SRBD1: variants seen among roughly 807,000 people sequenced by gnomAD.
SRBD1 encodes S1 RNA-binding domain-containing protein 1.
SRBD1 carries 88 observed loss-of-function variants against 115.3 expected under a neutral mutation model. The ratio of observed to expected loss-of-function variants is 0.76; its 90% CI spans 0.64 to 0.91. SRBD1 has a LOEUF of 0.91. SRBD1 is among the 40% of genes least tolerant of loss of function. The pLI, the probability that SRBD1 is intolerant of heterozygous loss-of-function variation, is 0.00. For missense variants in SRBD1, 1,385 were observed against 1,177.4 expected, an observed-to-expected ratio of 1.18 and a Z score of -2.58; for synonymous variants, 509 against 407.7, an observed-to-expected ratio of 1.25 and a Z score of -2.99.
intron 16 of SRBD1, among the ~76,000 whole-genome samples, chr2:45,435,577 A>C (rs1056467184): frequency 7.3e-5 from 11 of 151,338 alleles, no homozygotes; most frequent in Admixed American, 2.6e-4. Context: ...AAAAAACAAA[A>C]AAAAAAAACA....
intron 16 of SRBD1, among the ~76,000 whole-genome samples, chr2:45,440,100 C>T (rs893992254): frequency 2.0e-5 from 3 of 152,148 alleles, no homozygotes; most frequent in Admixed American, 6.5e-5. Context: ...GTTAATGACA[C>T]AAGCTTGCTA....
intron 14 of SRBD1, among the ~76,000 whole-genome samples, chr2:45,540,812 T>C (rs1435272311): frequency 6.6e-6 from 1 of 152,118 alleles, no homozygotes; most frequent in Non-Finnish European, 1.5e-5. Context: ...AAAACCACAA[T>C]GAGATATCAC....
chr2:45,405,776 T>C (rs1219419330), intron 19 of SRBD1, among the ~76,000 whole-genome samples: 1 of 65,260 alleles, frequency 1.5e-5, no homozygotes, highest in Non-Finnish European at 3.6e-5. Context: ...TGGTCATTAG[T>C]TGAGAGAATA....
At chr2:45,424,099 G>A (rs1295827496) in intron 16 of SRBD1, among the ~76,000 whole-genome samples, 1 of 151,982 alleles carries the variant, frequency 6.6e-6, no homozygotes, top group African/African-American at 2.4e-5. Context: ...AAAACATACT[G>A]ATGTAATAAT....
chr2:45,447,724 T>C (rs987636184), intron 16 of SRBD1: 1 of 152,196 alleles, frequency 6.6e-6, no homozygotes, highest in African/African-American at 2.4e-5. Context: ...CAGACAGCTT[T>C]CTTTTTATAC....
intron 4 of SRBD1, among the ~76,000 whole-genome samples, chr2:45,593,990 T>C (rs1673808955): frequency 6.6e-6 from 1 of 152,240 alleles, no homozygotes; most frequent in Non-Finnish European, 1.5e-5. Context: ...TACATTTATG[T>C]ACAATATTCT....
intron 15 of SRBD1, among the ~76,000 whole-genome samples, chr2:45,486,315 T>A (rs1670117239): frequency 6.6e-6 from 1 of 152,162 alleles, no homozygotes; most frequent in Non-Finnish European, 1.5e-5. Context: ...ACTTGAGAAA[T>A]TCTGGATTTT....
intron 1 of SRBD1, among the ~76,000 whole-genome samples, chr2:45,609,278 CTT>C (rs973298103): frequency 6.6e-6 from 1 of 152,170 alleles, no homozygotes; most frequent in African/African-American, 2.4e-5. Context: ...TGTTACAAAT[CTT>C]TTTTTCTTTC....
At chr2:45,391,790 A>G (rs1667010579) in intron 20 of SRBD1, among the ~76,000 whole-genome samples, 1 of 152,202 alleles carries the variant, frequency 6.6e-6, no homozygotes, top group African/African-American at 2.4e-5. Context: ...TGCAACTGGG[A>G]TAATGGAACA....
chr2:45,427,633 A>T (rs1668197293), intron 16 of SRBD1, among the ~76,000 whole-genome samples: 1 of 152,220 alleles, frequency 6.6e-6, no homozygotes, highest in African/African-American at 2.4e-5. Flanking sequence ...CATCATCCTG[A>T]TACCAAAACC....
intron 14 of SRBD1, among the ~76,000 whole-genome samples, chr2:45,529,637 T>C (rs1305575166): frequency 6.6e-6 from 1 of 151,980 alleles, no homozygotes. Context: ...AAAAGCAGTA[T>C]TTCCTATTTA....
chr2:45,405,402 G>A (rs912837014), intron 19 of SRBD1, among the ~76,000 whole-genome samples: 1 of 152,138 alleles, frequency 6.6e-6, no homozygotes, highest in Non-Finnish European at 1.5e-5. Flanking sequence ...GGGACAAAGG[G>A]GGGTGGTACA....
intron 16 of SRBD1, among the ~76,000 whole-genome samples, chr2:45,460,751 A>G (rs1270966594): frequency 6.6e-6 from 1 of 152,224 alleles, no homozygotes; most frequent in African/African-American, 2.4e-5. Context: ...AGTATCAAAG[A>G]TAACTCTCTT....
chr2:45,428,344 A>T (rs2103663947), intron 16 of SRBD1, among the ~76,000 whole-genome samples: 1 of 152,184 alleles, frequency 6.6e-6, no homozygotes, highest in South Asian at 2.1e-4. Flanking sequence ...AGGTCAGGAG[A>T]TCCAGACCAC....
At chr2:45,444,868 G>C (rs976069887) in intron 16 of SRBD1, among the ~76,000 whole-genome samples, 8 of 152,172 alleles carry the variant, frequency 5.3e-5, no homozygotes, top group African/African-American at 1.9e-4. Flanking sequence ...ATTCAGCAAA[G>C]GCAACCTTCT....
intron 16 of SRBD1, among the ~76,000 whole-genome samples, chr2:45,454,610 T>C (rs1572658857): frequency 6.6e-6 from 1 of 151,824 alleles, no homozygotes; most frequent in African/African-American, 2.4e-5. Context: ...AATTTAGGAA[T>C]AATTATGATT....
chr2:45,497,850 C>T (rs1670508022), intron 14 of SRBD1, among the ~76,000 whole-genome samples: 1 of 152,076 alleles, frequency 6.6e-6, no homozygotes, highest in South Asian at 2.1e-4. Context: ...GCCTGACCAA[C>T]ACGGTGAAAC....
intron 14 of SRBD1, among the ~76,000 whole-genome samples, chr2:45,545,370 A>T (rs1408925416): frequency 6.6e-6 from 1 of 151,274 alleles, no homozygotes; most frequent in Non-Finnish European, 1.5e-5. Context: ...TTCTAATAGT[A>T]CATACTGCCT....
intron 19 of SRBD1, among the ~76,000 whole-genome samples, chr2:45,406,223 C>G (rs960970889): frequency 5.9e-5 from 9 of 152,002 alleles, no homozygotes; most frequent in African/African-American, 2.2e-4. Flanking sequence ...GAAAGAGAAT[C>G]AAGACATGGA....
Sources: allele counts gnomAD v4.1 joint callset (sites outside exome capture counted in the v4.1 genomes callset), GRCh38; gene constraint gnomAD v4.1.1; transcripts MANE v1.5; gene names NCBI Gene and HGNC (gene_info 2026-07-23, HGNC 2026-07-21).